Variants in MAN1C1 observed in about 807,000 individuals in gnomAD.
MAN1C1 encodes mannosidase alpha class 1C member 1.
MAN1C1 carries 49 observed loss-of-function variants against 71.5 expected under a neutral mutation model. The ratio of observed to expected loss-of-function variants is 0.69; its 90% CI spans 0.54 to 0.87. MAN1C1 has a LOEUF of 0.87. MAN1C1 is among the 40% of genes least tolerant of loss of function. The probability of loss-of-function intolerance (pLI) is 0.00; values close to 1 mark genes in which losing one functional copy is unlikely to be tolerated. For synonymous variants in MAN1C1, 352 were observed against 343.7 expected, an observed-to-expected ratio of 1.02 and a Z score of -0.27; for missense variants, 743 against 835.0, an observed-to-expected ratio of 0.89 and a Z score of 1.36.
rs1043598746 is a variant in MAN1C1 at position 25,730,729 on chromosome 1, G to C, written c.638-15939G>C. ...TCACGACTGGATGAGGCCTGGCTTG[G>C]CTGTGGGTGGGTGGACAGGGCAAGC... On this transcript the variant is annotated intron_variant, in intron 2 of 11. Transcript: ENST00000374332. This position sits in a 1 kb window ranked among gnomAD's most constrained non-coding sequence, Gnocchi z 4.3. Among the ~76,000 whole-genome samples the C allele has an allele frequency of 2.6e-5, 4 of 152,232 alleles. No homozygotes were observed. Among genetic ancestry groups the C allele is most frequent in the African/African-American group, 9.6e-5 (4 of 41,458 alleles).
In MAN1C1 at chr1:25,764,876, T is replaced by C. The variant is rs1025912044; in HGVS notation, c.1141+909T>C. 6.6e-6 allele frequency among the ~76,000 whole-genome samples: 1 copy of C among 151,930 alleles called. No individual in the cohort carries two copies. Among genetic ancestry groups the C allele is most frequent in the Non-Finnish European group, 1.5e-5 (1 of 67,970 alleles). On this transcript the variant is annotated intron_variant, in intron 7 of 11. Coordinates refer to ENST00000374332, the MANE Select transcript of MAN1C1 (RefSeq NM_020379.4). This position sits in a 1 kb window ranked among gnomAD's most constrained non-coding sequence, Gnocchi z 4.4. ...CAGCCTGGCCAACATGGCGAAACCCTGTCTCTACTAAAAATACAAAAAGTA... is the reference window on the plus strand; with the variant it reads ...CAGCCTGGCCAACATGGCGAAACCCCGTCTCTACTAAAAATACAAAAAGTA...
intron 1 of MAN1C1, among the ~76,000 whole-genome samples, chr1:25,651,151 G>A (rs1214779276): frequency 6.6e-6 from 1 of 152,164 alleles, no homozygotes. Context: ...CTGAGGACCC[G>A]GGACGGCTAC....
intron 2 of MAN1C1, among the ~76,000 whole-genome samples, chr1:25,695,839 T>G (rs891145976): frequency 1.3e-5 from 2 of 152,266 alleles, no homozygotes; most frequent in South Asian, 4.1e-4. Context: ...TGAGCCGGCC[T>G]CCTCTGGGCC....
intron 1 of MAN1C1, among the ~76,000 whole-genome samples, chr1:25,619,428 G>A (rs1056567640): frequency 6.6e-6 from 1 of 152,236 alleles, no homozygotes; most frequent in Non-Finnish European, 1.5e-5. Flanking sequence ...GCAAGGATCA[G>A]GACCTGCCCT....
At chr1:25,710,665 T>C (rs1011702796) in intron 2 of MAN1C1, among the ~76,000 whole-genome samples, 1 of 152,186 alleles carries the variant, frequency 6.6e-6, no homozygotes, top group Non-Finnish European at 1.5e-5. Context: ...GGAAGCATGA[T>C]TCTAGAACCT....
At chr1:25,654,884 A>T (rs2045742727) in intron 1 of MAN1C1, among the ~76,000 whole-genome samples, 1 of 152,108 alleles carries the variant, frequency 6.6e-6, no homozygotes, top group African/African-American at 2.4e-5. Context: ...TGACCTCACG[A>T]TCTGCCCACC....
intron 7 of MAN1C1, among the ~76,000 whole-genome samples, chr1:25,768,235 CCCT>C: frequency 1.3e-5 from 1 of 77,498 alleles, no homozygotes; most frequent in Non-Finnish European, 2.7e-5. Flanking sequence ...ACACACACTC[CCCT>C]CACACACATC....
At chr1:25,781,570 T>C (rs2047695597) in intron 10 of MAN1C1, among the ~76,000 whole-genome samples, 1 of 152,064 alleles carries the variant, frequency 6.6e-6, no homozygotes, top group African/African-American at 2.4e-5. Context: ...AGGCCTACCC[T>C]GCCCTCAGCC....
At chr1:25,644,384 G>A (rs1265100091) in intron 1 of MAN1C1, among the ~76,000 whole-genome samples, 1 of 151,194 alleles carries the variant, frequency 6.6e-6, no homozygotes, top group Non-Finnish European at 1.5e-5. Context: ...AGGGGGAGAG[G>A]AGTTTAATGC....
At chr1:25,767,337 C>T (rs1432778463) in intron 7 of MAN1C1, among the ~76,000 whole-genome samples, 5 of 129,634 alleles carry the variant, frequency 3.9e-5, no homozygotes, top group Middle Eastern at 5.9e-3. Flanking sequence ...ACTCCCCCCA[C>T]ACACAGACCC....
chr1:25,740,890 G>A (rs2047054192), intron 2 of MAN1C1, among the ~76,000 whole-genome samples: 1 of 152,116 alleles, frequency 6.6e-6, no homozygotes, highest in Non-Finnish European at 1.5e-5. Flanking sequence ...CAGGGCAGTA[G>A]CACGGAGAAG....
chr1:25,763,555 T>A, intron 6 of MAN1C1: 1 of 234,734 alleles, frequency 4.3e-6, no homozygotes, highest in Non-Finnish European at 8.2e-6. Flanking sequence ...CAGCAAGCAA[T>A]GAGGAAGTGT....
intron 1 of MAN1C1, among the ~76,000 whole-genome samples, chr1:25,674,487 C>A (rs931283507): frequency 1.3e-5 from 2 of 152,220 alleles, no homozygotes; most frequent in Non-Finnish European, 2.9e-5. Flanking sequence ...ATTAATCACA[C>A]AACTAATGTA....
chr1:25,749,297 G>A lies in MAN1C1; in HGVS notation c.796G>A (p.Gly266Arg), dbSNP rs1406857771. The change falls in exon 4 of 12, where the codon GGG becomes AGG. Residue 266 changes from glycine (G) to arginine (R), a missense_variant. Physicochemically the swap from Gly to Arg is moderately radical, Grantham distance 125. Transcript: ENST00000374332. ...SLFEVNIRYI[G>R]GLLSAFYLTG... ...GTTTGAGGTGAACATCCGCTACATC[G>A]GGGGACTCCTCTCAGCCTTCTACCT... 1.7e-5 allele frequency: 28 copies of A among 1,612,232 alleles called. No homozygotes were observed. Among genetic ancestry groups the A allele is most frequent in the South Asian group, 2.2e-5 (2 of 90,436 alleles).
chr1:25,687,021 G>A (rs1180723339), intron 2 of MAN1C1, among the ~76,000 whole-genome samples: 2 of 152,142 alleles, frequency 1.3e-5, no homozygotes, highest in African/African-American at 4.8e-5. Context: ...TTCACCTGTA[G>A]TACCAGTCAC....
rs371439278 is a variant in MAN1C1, at chr1:25,657,007, C to T, written c.541-29433C>T. On this transcript the variant is annotated intron_variant, in intron 1 of 11. Transcript: ENST00000374332. ...TGTCCGGCTAATTTTTTGTATTTTT[C>T]GTAGAGACGGGGTTTCACCGTGTTA... is the stretch of plus-strand genomic sequence containing the variant. Among the ~76,000 whole-genome samples, 59 of 152,060 alleles carry T rather than the reference C, an allele frequency of 3.9e-4. 1 individual carries two copies. In the South Asian group the frequency reaches 7.7e-3, roughly 20 times the overall value.
At position 25,710,374 on chromosome 1, in the gene MAN1C1, CTTG is replaced by C. The variant is rs374620437; in HGVS notation, c.637+23847_637+23849del. Among the ~76,000 whole-genome samples the C allele has an allele frequency of 2.9e-3, 444 of 152,336 alleles. 4 individuals are homozygous for C. The highest frequency in any genetic ancestry group is 0.01 in the African/African-American group (419 of 41,582). Reference sequence around the variant, plus strand: ...AGGCATTCAGTAAATGTTCACTGTGCTTGTTGTTGTTCATTCATCTTGCCTGCT... The same window carrying C: ...AGGCATTCAGTAAATGTTCACTGTGCTTGTTGTTCATTCATCTTGCCTGCT... On this transcript the variant is annotated intron_variant, in intron 2 of 11. Coordinates refer to ENST00000374332, the MANE Select transcript of MAN1C1 (RefSeq NM_020379.4).
In MAN1C1 at chr1:25,776,204, G is replaced by A. The variant is rs186438343; in HGVS notation, c.1258-1901G>A. ...GTCCAGCCCCTCCCCGCATACCCCT[G>A]CATTTTTTAATCTCATCCTCTCACT... On this transcript the variant is annotated intron_variant, in intron 8 of 11. Coordinates refer to ENST00000374332, the MANE Select transcript of MAN1C1 (RefSeq NM_020379.4). The surrounding 1 kb of genome is among the most constrained non-coding windows in gnomAD (Gnocchi z 4.3). Among the ~76,000 whole-genome samples, 17 of 151,982 alleles carry A rather than the reference G, an allele frequency of 1.1e-4. No individual in the cohort carries two copies. The East Asian group carries it at 2.9e-3, about 26-fold the overall frequency.
In MAN1C1 at chr1:25,697,827, A is replaced by G. The variant is rs149144509; in HGVS notation, c.637+11291A>G. ...GCCAGATTTCCAAAGTAGTTAACCA[A>G]TTCGTAGTTCTGCCAGCTGTGTGTG... On this transcript the variant is annotated intron_variant, in intron 2 of 11. Transcript: ENST00000374332. Among the ~76,000 whole-genome samples the G allele has an allele frequency of 4.7e-3, 719 of 152,306 alleles. 7 individuals carry two copies. The highest frequency in any genetic ancestry group is 0.017 in the Middle Eastern group (5 of 294).
Sources: allele counts gnomAD v4.1 joint callset (sites outside exome capture counted in the v4.1 genomes callset), GRCh38; gene constraint gnomAD v4.1.1; non-coding constraint Gnocchi (gnomAD v3.1); transcripts MANE v1.5; gene names NCBI Gene and HGNC (gene_info 2026-07-23, HGNC 2026-07-21).